RTN4: variants seen among roughly 807,000 people sequenced by gnomAD.
RTN4 encodes reticulon 4, also known as reticulon-4.
Under a neutral mutation model 90.4 loss-of-function variants are expected in RTN4, and 32 were observed. The ratio of observed to expected loss-of-function variants is 0.35; its 90% confidence interval spans 0.27 to 0.48. The LOEUF (loss-of-function observed/expected upper bound fraction) is 0.48. RTN4 is among the 20% of genes least tolerant of loss of function. The pLI is 0.99. For synonymous variants in RTN4, 629 were observed against 552.5 expected, an observed-to-expected ratio of 1.14 and a Z score of -1.94; for missense variants, 1,706 against 1,430.2, an observed-to-expected ratio of 1.19 and a Z score of -3.11.
chr2:55,050,003 CG>C lies in RTN4; in HGVS notation c.297del (p.Val100SerfsTer52), dbSNP rs1278812267. 20 of 1,376,656 alleles carry C rather than the reference CG, an allele frequency of 1.5e-5. No homozygotes were observed. The highest frequency in any genetic ancestry group is 3.7e-5 in the Admixed American group (1 of 27,188). The allele number at this position is 1,376,656 out of a possible 1,614,324, so 85.3% of individuals were successfully genotyped here. On this transcript the variant is annotated frameshift_variant, in exon 1 of 9. Transcript: ENST00000337526. LOFTEE classifies it high-confidence loss of function. The surrounding 1 kb of genome is among the most constrained non-coding windows in gnomAD (Gnocchi z 4.6). ...CAAGACGGCTGCCGCTCCGGGGCGA[CG>C]GGGGGAGCGGCCGGCAGGGGTCCCC... ...APRGPLPAAP[P>X]VAPERQPSWD...
intron 1 of RTN4, 95 bp from the exon 2 acceptor site, chr2:55,028,315 A>C (rs1682060517): frequency 9.3e-7 from 1 of 1,080,076 alleles, no homozygotes. Context: ...AGTTTGTAAT[A>C]AGTTAACAAA....
At chr2:54,978,883 A>G (rs1415486169) in intron 5 of RTN4, among the ~76,000 whole-genome samples, 1 of 152,150 alleles carries the variant, frequency 6.6e-6, no homozygotes, top group Admixed American at 6.5e-5. Context: ...TAAACAAGGT[A>G]AATACATTTT....
chr2:55,121,868 T>C, the RTN4 span, among the ~76,000 whole-genome samples: 1 of 152,224 alleles, frequency 6.6e-6, no homozygotes, highest in African/African-American at 2.4e-5. Flanking sequence ...TTACTCACTG[T>C]ACTTTTCTAT....
chr2:55,084,512 G>C (rs1163664603), intron 1 of RTN4, among the ~76,000 whole-genome samples: 1 of 152,072 alleles, frequency 6.6e-6, no homozygotes, highest in Admixed American at 6.6e-5. Context: ...AGCCATTCTA[G>C]CAAATGATTG....
intron 1 of RTN4, among the ~76,000 whole-genome samples, chr2:55,038,326 T>C (rs941546425): frequency 2.0e-5 from 3 of 151,964 alleles, no homozygotes; most frequent in African/African-American, 4.8e-5. Flanking sequence ...ATCAATAAAA[T>C]TAATAGGCAA....
intron 8 of RTN4, 176 bp from the exon 9 acceptor site, chr2:54,973,374 C>A (rs760173919): frequency 6.7e-5 from 51 of 756,988 alleles, no homozygotes; most frequent in Non-Finnish European, 1.0e-4. Flanking sequence ...TTAAACAAAG[C>A]CTTAAACACA....
Position 54,972,210 on chromosome 2 carries a change from T to TGATACTTTGCTTTTACAG in RTN4, c.*928_*945dup, listed in dbSNP as rs1553429152. ...CATATTTTAAGTCTATAAGCTTTAT[T>TGATACTTTGCTTTTACAG]GATACTTTGCTTTTACAGTTCACAA... On this transcript the variant is annotated 3_prime_UTR_variant, in exon 9 of 9. Coordinates refer to ENST00000337526, the MANE Select transcript of RTN4 (RefSeq NM_020532.5). 2.0e-5 allele frequency: 3 copies of TGATACTTTGCTTTTACAG among 152,648 alleles called. No homozygotes were observed. The highest frequency in any genetic ancestry group is 7.2e-5 in the African/African-American group (3 of 41,462). The allele number at this position is 152,648 out of a possible 1,614,324, so 9.5% of individuals were successfully genotyped here.
chr2:55,071,375 A>G (rs948934000), intron 2 of RTN4, among the ~76,000 whole-genome samples: 14 of 152,030 alleles, frequency 9.2e-5, no homozygotes, highest in African/African-American at 3.4e-4. Flanking sequence ...GGAGATGGAA[A>G]AGTGCTTTGA....
intron 1 of RTN4, among the ~76,000 whole-genome samples, chr2:55,084,488 C>A (rs1668801041): frequency 6.6e-6 from 1 of 152,044 alleles, no homozygotes; most frequent in Non-Finnish European, 1.5e-5. Context: ...GTAAAGAGTT[C>A]TCTGAGTTCT....
chr2:55,064,683 G>A (rs1338466851), intron 2 of RTN4, among the ~76,000 whole-genome samples: 6 of 152,090 alleles, frequency 3.9e-5, no homozygotes, highest in Middle Eastern at 3.2e-3. Context: ...TAAAGAATAT[G>A]TTGGATTTCT....
intron 1 of RTN4, among the ~76,000 whole-genome samples, chr2:55,089,407 C>G (rs1668898663): frequency 6.6e-6 from 1 of 152,178 alleles, no homozygotes; most frequent in Non-Finnish European, 1.5e-5. Context: ...AGAGCAGGGT[C>G]TCTGTTCTGG....
At chr2:55,111,105 A>G (rs560733398) in intron 1 of RTN4, among the ~76,000 whole-genome samples, 1 of 152,356 alleles carries the variant, frequency 6.6e-6, no homozygotes, top group South Asian at 2.1e-4. Context: ...AAAAAAGAAA[A>G]GAATAAAAAC....
chr2:55,013,832 C>T (rs986442799), intron 3 of RTN4, among the ~76,000 whole-genome samples: 17 of 152,048 alleles, frequency 1.1e-4, no homozygotes, highest in Non-Finnish European at 1.0e-4. Context: ...TTCTTTACAA[C>T]ATTTAGAGAT....
At chr2:55,030,318 A>G (rs572101663) in intron 1 of RTN4, among the ~76,000 whole-genome samples, 1 of 152,318 alleles carries the variant, frequency 6.6e-6, no homozygotes, top group South Asian at 2.1e-4. Flanking sequence ...AAGATTCATT[A>G]TGTTTAAGAA....
At chr2:55,043,268 C>G (rs1194465796) in intron 1 of RTN4, among the ~76,000 whole-genome samples, 1 of 152,164 alleles carries the variant, frequency 6.6e-6, no homozygotes, top group Admixed American at 6.5e-5. Flanking sequence ...AACAAAAAGT[C>G]TCAAAGAATG....
intron 2 of RTN4, among the ~76,000 whole-genome samples, chr2:55,063,955 T>C (rs1668347234): frequency 6.6e-6 from 1 of 152,018 alleles, no homozygotes; most frequent in African/African-American, 2.4e-5. Flanking sequence ...GCGCAGTGGC[T>C]CACACCTGTC....
intron 5 of RTN4, among the ~76,000 whole-genome samples, chr2:54,976,931 C>T (rs936194823): frequency 1.1e-4 from 17 of 152,282 alleles, no homozygotes; most frequent in African/African-American, 3.6e-4. Flanking sequence ...AGGAAGGAGG[C>T]CTAAAATGTA....
At chr2:55,065,895 T>A (rs570389642) in intron 2 of RTN4, among the ~76,000 whole-genome samples, 1 of 152,318 alleles carries the variant, frequency 6.6e-6, no homozygotes, top group South Asian at 2.1e-4. Context: ...ATTTGGATGG[T>A]GGTTACACAG....
the RTN4 span, among the ~76,000 whole-genome samples, chr2:55,118,207 T>A: frequency 6.6e-6 from 1 of 152,138 alleles, no homozygotes; most frequent in African/African-American, 2.4e-5. Context: ...AGCTTATGCC[T>A]GTAATCCCAG....
Sources: allele counts gnomAD v4.1 joint callset (sites outside exome capture counted in the v4.1 genomes callset), GRCh38; gene constraint gnomAD v4.1.1; non-coding constraint Gnocchi (gnomAD v3.1); transcripts MANE v1.5; gene names NCBI Gene and HGNC (gene_info 2026-07-23, HGNC 2026-07-21).